ASTN2: variants seen among roughly 807,000 people sequenced by gnomAD.
ASTN2 encodes astrotactin 2, also known as astrotactin-2.
Under a neutral mutation model 139.8 loss-of-function variants are expected in ASTN2, and 54 were observed. The ratio of observed to expected loss-of-function variants is 0.39; its 90% CI spans 0.31 to 0.48. The LOEUF (loss-of-function observed/expected upper bound fraction) is 0.48, where lower values mean the gene tolerates loss of function less well. Among genes scored for constraint, ASTN2 ranks in the 20% least tolerant of loss-of-function variants. The pLI is 0.95. For missense variants in ASTN2, 1,565 were observed against 1,725.1 expected, an observed-to-expected ratio of 0.91 and a Z score of 1.64; for synonymous variants, 756 against 719.5, an observed-to-expected ratio of 1.05 and a Z score of -0.81.
intron 1 of ASTN2, among the ~76,000 whole-genome samples, chr9:117,369,230 G>A (rs1180453693): frequency 2.0e-5 from 3 of 152,012 alleles, no homozygotes; most frequent in Non-Finnish European, 4.4e-5. Flanking sequence ...AACCTCTTGG[G>A]AAATAAGCCT....
chr9:117,316,956 T>C (rs1828163099), intron 1 of ASTN2, among the ~76,000 whole-genome samples: 1 of 152,154 alleles, frequency 6.6e-6, no homozygotes, highest in Admixed American at 6.5e-5. Flanking sequence ...CTCAGGTATA[T>C]AAATGGAGAG....
chr9:116,722,046 A>T (rs1404023345), intron 16 of ASTN2, among the ~76,000 whole-genome samples: 4 of 152,200 alleles, frequency 2.6e-5, no homozygotes, highest in Admixed American at 2.6e-4. Context: ...GGCACATGAA[A>T]GCTAGAGAGC....
At chr9:117,011,821 C>T (rs1478016066) in intron 6 of ASTN2, among the ~76,000 whole-genome samples, 1 of 152,150 alleles carries the variant, frequency 6.6e-6, no homozygotes, top group African/African-American at 2.4e-5. Flanking sequence ...GAACTTAAAC[C>T]AAGATTTTTC....
chr9:117,396,509 T>C (rs1830680354), intron 1 of ASTN2, among the ~76,000 whole-genome samples: 1 of 152,122 alleles, frequency 6.6e-6, no homozygotes, highest in Admixed American at 6.6e-5. Context: ...TACTTTTTAT[T>C]TTTTATTTTT....
At chr9:116,998,080 T>C (rs1384275529) in intron 7 of ASTN2, among the ~76,000 whole-genome samples, 1 of 152,210 alleles carries the variant, frequency 6.6e-6, no homozygotes, top group Non-Finnish European at 1.5e-5. Context: ...GGAAAATATT[T>C]TAAAAAGCTT....
intron 20 of ASTN2, among the ~76,000 whole-genome samples, chr9:116,459,013 A>G (rs995350200): frequency 1.3e-5 from 2 of 152,090 alleles, no homozygotes; most frequent in Non-Finnish European, 2.9e-5. Context: ...AATTTATTAC[A>G]GAGCTATGGT....
chr9:116,715,720 C>G (rs2021970), intron 16 of ASTN2, among the ~76,000 whole-genome samples: 5 of 152,094 alleles, frequency 3.3e-5, no homozygotes. Context: ...ACTGTGGGAT[C>G]TTTGAGAGCA....
intron 2 of ASTN2, among the ~76,000 whole-genome samples, chr9:117,248,872 A>G (rs1193132203): frequency 2.0e-5 from 3 of 152,148 alleles, no homozygotes; most frequent in Admixed American, 6.5e-5. Context: ...TGTTTCTCAG[A>G]CTTCATCAAG....
At position 117,329,262 on chromosome 9, in the gene ASTN2, A is replaced by G. The variant is rs114539838; in HGVS notation, c.443-37749T>C. 5.3e-3 allele frequency among the ~76,000 whole-genome samples: 735 copies of G among 139,484 alleles called. 7 individuals carry two copies. Among genetic ancestry groups the G allele is most frequent in the African/African-American group, 0.019 (696 of 37,158 alleles). The allele number at this position is 139,484 out of a possible 152,430, so 91.5% of individuals were successfully genotyped here. A position where few individuals can be genotyped will look rare whatever the true frequency, so the allele number is the denominator to read the frequency against. On this transcript the variant is annotated intron_variant, in intron 1 of 22. Transcript: ENST00000313400. ...TACCCTTTAAAATAATTGAAACAAG[A>G]TTTTTTTTGAAAACACAGGTATGAG...
intron 5 of ASTN2, among the ~76,000 whole-genome samples, chr9:117,079,110 C>T (rs1828356505): frequency 6.6e-6 from 1 of 152,204 alleles, no homozygotes; most frequent in South Asian, 2.1e-4. Flanking sequence ...AATCCCAGTA[C>T]ATTGAGAGGC....
intron 7 of ASTN2, among the ~76,000 whole-genome samples, chr9:116,977,289 C>CTGTA (rs1836367654): frequency 1.3e-5 from 2 of 152,192 alleles, no homozygotes; most frequent in Non-Finnish European, 2.9e-5. Context: ...AAAAACCTGT[C>CTGTA]TGTAGTCTCC....
chr9:117,293,850 A>G (rs1206643649), intron 1 of ASTN2, among the ~76,000 whole-genome samples: 3 of 152,252 alleles, frequency 2.0e-5, no homozygotes, highest in South Asian at 4.1e-4. Context: ...TGCACTAGAA[A>G]TAGCAGTGTC....
intron 11 of ASTN2, among the ~76,000 whole-genome samples, chr9:116,849,780 A>G (rs1832542540): frequency 1.3e-5 from 2 of 152,182 alleles, no homozygotes; most frequent in Non-Finnish European, 2.9e-5. Context: ...TAAAAACTCA[A>G]TTAGCAGCTT....
intron 12 of ASTN2, among the ~76,000 whole-genome samples, chr9:116,816,451 T>C (rs1354216756): frequency 6.6e-6 from 1 of 152,196 alleles, no homozygotes; most frequent in East Asian, 1.9e-4. Flanking sequence ...AGGCACCTCT[T>C]TGCCCCTGCT....
chr9:116,863,847 C>T, intron 10 of ASTN2, 114 bp from the exon 11 acceptor site: 1 of 1,092,086 alleles, frequency 9.2e-7, no homozygotes, highest in East Asian at 2.6e-5. Flanking sequence ...ATCAGGAAAA[C>T]AATAATAATC....
intron 5 of ASTN2, among the ~76,000 whole-genome samples, chr9:117,054,383 C>T (rs10118996): frequency 6.6e-6 from 1 of 152,058 alleles, no homozygotes; most frequent in African/African-American, 2.4e-5. Context: ...CCCTGTTCAT[C>T]ATAGGAAGAA....
At chr9:117,281,246 G>A (rs1413651424) in intron 2 of ASTN2, among the ~76,000 whole-genome samples, 1 of 152,036 alleles carries the variant, frequency 6.6e-6, no homozygotes, top group Non-Finnish European at 1.5e-5. Context: ...CCATGAATGT[G>A]GATCTCTCGC....
At position 116,792,975 on chromosome 9, in the gene ASTN2, G is replaced by T. The variant is rs1830596795; in HGVS notation, c.2396+12657C>A. On this transcript the variant is annotated intron_variant, in intron 13 of 22. Transcript: ENST00000313400. Reference sequence around the variant, plus strand: ...GGGGGGAAGGAGAAAGGGGACAAGGGTTAAAAACTGAATATTGGGTACTAT... The same window carrying T: ...GGGGGGAAGGAGAAAGGGGACAAGGTTTAAAAACTGAATATTGGGTACTAT... Among the ~76,000 whole-genome samples the T allele has an allele frequency of 4.6e-5, 7 of 152,192 alleles. No homozygotes were observed. In the South Asian group the frequency reaches 1.5e-3, roughly 32 times the overall value.
At position 116,692,059 on chromosome 9, in the gene ASTN2, C is replaced by T. The variant is rs926853773; in HGVS notation, c.2806+33712G>A. Among the ~76,000 whole-genome samples, 14 of 152,318 alleles carry T rather than the reference C, an allele frequency of 9.2e-5. No homozygotes were observed. The East Asian group carries it at 1.2e-3, about 13-fold the overall frequency. On this transcript the variant is annotated intron_variant, in intron 16 of 22. Coordinates refer to ENST00000313400, the MANE Select transcript of ASTN2 (RefSeq NM_001365068.1). ...CACCAGTACCGTTCACAGGGCCAGA[C>T]ACATAGTAGGTGCTTAGTAAAGATT...
Sources: allele counts gnomAD v4.1 joint callset (sites outside exome capture counted in the v4.1 genomes callset), GRCh38; gene constraint gnomAD v4.1.1; transcripts MANE v1.5; gene names NCBI Gene and HGNC (gene_info 2026-07-23, HGNC 2026-07-21).